MTO1: variants seen among roughly 807,000 people sequenced by gnomAD.
The protein encoded by MTO1 is mitochondrial tRNA translation optimization 1.
In MTO1, 46 loss-of-function variants were observed where a neutral mutation model predicts 71.6. The observed-to-expected ratio is 0.64, with a 90% CI of 0.51 to 0.82. The LOEUF (loss-of-function observed/expected upper bound fraction) is 0.82. Among genes scored for constraint, MTO1 ranks in the 40% least tolerant of loss-of-function variants. MTO1 has a pLI of 0.00. For missense variants in MTO1, 773 were observed against 867.5 expected (o/e 0.89, Z 1.37); for synonymous variants, 297 against 312.1 (o/e 0.95, Z 0.51).
intron 11 of MTO1, among the ~76,000 whole-genome samples, chr6:73,500,073 C>G (rs1772111578): frequency 6.6e-6 from 1 of 152,136 alleles, no homozygotes; most frequent in Admixed American, 6.6e-5. Flanking sequence ...AATCACAGCT[C>G]ACTGCATTCT....
rs1772188528 is a variant in MTO1, at chr6:73,502,566, G to T, written c.*1831G>T. 6.6e-6 allele frequency: 1 copy of T among 152,024 alleles called. No homozygotes were observed. The highest frequency in any genetic ancestry group is 2.4e-5 in the African/African-American group (1 of 41,368). The allele number at this position is 152,024 out of a possible 1,614,324, so 9.4% of individuals were successfully genotyped here. On this transcript the variant is annotated 3_prime_UTR_variant, in exon 12 of 12. Transcript: ENST00000498286. ...TACAAGAGTAAAAAAAGTGAATGGA[G>T]TGCCTTTTGAATAGAATATAACAAA...
rs945309662 is a variant in MTO1 at position 73,502,981 on chromosome 6, T to C, written c.*2246T>C. ...TGGGGCTAGTGACACTATACACATA[T>C]AAAGAAACTTTAAAGTTTCTTAGTA... On this transcript the variant is annotated 3_prime_UTR_variant, in exon 12 of 12. Transcript: ENST00000498286. 2.6e-5 allele frequency: 4 copies of C among 152,212 alleles called. No individual in the cohort carries two copies. Among genetic ancestry groups the C allele is most frequent in the African/African-American group, 9.6e-5 (4 of 41,466 alleles). The allele number at this position is 152,212 out of a possible 1,614,324, so 9.4% of individuals were successfully genotyped here.
rs1224724134 is a variant in MTO1, at chr6:73,466,260, T to C, written c.269T>C (p.Met90Thr). The change falls in exon 2 of 12, where the codon ATG (methionine) becomes ACG (threonine). Residue 90 changes from methionine to threonine, a missense_variant. By Grantham distance (81) the Met-to-Thr change is moderately conservative. Coordinates refer to ENST00000498286, the MANE Select transcript of MTO1 (RefSeq NM_012123.4). Reference sequence around the variant, plus strand: ...GGTGGCATCGGAAAGGGACATTTAATGAGGGAAGTAGATGCCTTGGATGGC... The same window carrying C: ...GGTGGCATCGGAAAGGGACATTTAACGAGGGAAGTAGATGCCTTGGATGGC... ...SFGGIGKGHL[M>T]REVDALDGLC... is the part of the protein sequence containing the mutation. The C allele has an allele frequency of 6.2e-7, 1 of 1,614,110 alleles. No homozygotes were observed. Among genetic ancestry groups the C allele is most frequent in the Non-Finnish European group, 8.5e-7 (1 of 1,179,952 alleles).
intron 9 of MTO1, among the ~76,000 whole-genome samples, chr6:73,487,281 C>T (rs892206221): frequency 2.0e-5 from 3 of 151,510 alleles, no homozygotes; most frequent in Non-Finnish European, 4.4e-5. Context: ...CAACCTTCGC[C>T]CCCTGGTTCC....
chr6:73,479,350 C>T (rs1239305849), intron 4 of MTO1, among the ~76,000 whole-genome samples: 1 of 151,902 alleles, frequency 6.6e-6, no homozygotes, highest in African/African-American at 2.4e-5. Flanking sequence ...CAAAAATTAG[C>T]CGAACGTAGT....
intron 3 of MTO1, chr6:73,471,526 T>A (rs1367703549): frequency 1.6e-5 from 7 of 438,542 alleles, no homozygotes; most frequent in Admixed American, 7.6e-5. Context: ...GTGATCTTCC[T>A]GCCTCAGCCT....
intron 9 of MTO1, among the ~76,000 whole-genome samples, chr6:73,488,195 A>G (rs1409561813): frequency 6.6e-6 from 1 of 151,954 alleles, no homozygotes; most frequent in African/African-American, 2.4e-5. Context: ...TTTTCCAGAG[A>G]CAGGGTCTCC....
chr6:73,465,221 T>C (rs1313642284), intron 1 of MTO1, among the ~76,000 whole-genome samples: 2 of 151,850 alleles, frequency 1.3e-5, no homozygotes, highest in African/African-American at 4.8e-5. Flanking sequence ...TGGAGTGCGA[T>C]GGTGCCATCT....
intron 10 of MTO1, among the ~76,000 whole-genome samples, chr6:73,493,658 T>C (rs1457356644): frequency 6.6e-6 from 1 of 151,510 alleles, no homozygotes; most frequent in Non-Finnish European, 1.5e-5. Context: ...CCCAAAGTGC[T>C]GGGATTACAG....
chr6:73,486,670 G>A (rs1257739949), intron 9 of MTO1: 12 of 398,122 alleles, frequency 3.0e-5, no homozygotes, highest in African/African-American at 2.1e-4. Flanking sequence ...CCTGGGAAGC[G>A]GAGGTTGCAG....
At chr6:73,492,937 GTCC>G (rs1771857451) in intron 10 of MTO1, among the ~76,000 whole-genome samples, 1 of 149,102 alleles carries the variant, frequency 6.7e-6, no homozygotes, top group Middle Eastern at 3.6e-3. Context: ...GTACTGCAGA[GTCC>G]TCCTATAAAT....
rs193163525 is a variant in MTO1, at chr6:73,470,530, A to G, written c.536-2835A>G. Among the ~76,000 whole-genome samples, 14 of 152,262 alleles carry G rather than the reference A, an allele frequency of 9.2e-5. No individual in the cohort carries two copies. The East Asian group carries it at 9.6e-4, about 10-fold the overall frequency. Reference sequence around the variant, plus strand: ...CCAGGAGTGTCATCTTTTAAAATACATATCTTAATTCCCATTTTCATTTTT... The same window carrying G: ...CCAGGAGTGTCATCTTTTAAAATACGTATCTTAATTCCCATTTTCATTTTT... On this transcript the variant is annotated intron_variant, in intron 3 of 11. Transcript: ENST00000498286.
chr6:73,486,452 A>G, intron 9 of MTO1: 1 of 293,082 alleles, frequency 3.4e-6, no homozygotes, highest in Non-Finnish European at 6.9e-6. Flanking sequence ...ATCATACAGT[A>G]TGTGGCCAGG....
chr6:73,462,718 A>T (rs943921492), intron 1 of MTO1, among the ~76,000 whole-genome samples: 2 of 151,914 alleles, frequency 1.3e-5, no homozygotes, highest in Non-Finnish European at 1.5e-5. Context: ...AAAGAGCAAA[A>T]CTCCGTCTCA....
At position 73,480,061 on chromosome 6, in the gene MTO1, C is replaced by T; in HGVS notation, c.1064C>T (p.Ala355Val). ...YPQGLSMTLP[A>V]ELQEKMITCI... ...CAGGGGTTATCTATGACGCTACCAG[C>T]TGAGTTACAAGAGAAAATGATCACA... is the stretch of plus-strand genomic sequence containing the variant. The change falls in exon 6 of 12, where the codon GCT (alanine) becomes GTT (valine). Residue 355 changes from alanine (A) to valine (V), a missense_variant. By Grantham distance (64) the Ala-to-Val change is moderately conservative (BLOSUM62 0). Transcript: ENST00000498286. 6.2e-7 allele frequency: 1 copy of T among 1,614,146 alleles called. No homozygotes were observed. Among genetic ancestry groups the T allele is most frequent in the Non-Finnish European group, 8.5e-7 (1 of 1,180,032 alleles).
chr6:73,508,847 G>A lies in MTO1; in HGVS notation c.*8112G>A, dbSNP rs1170144446. Reference sequence around the variant, plus strand: ...TCCAAAGAGTCAATCAAGAAGGTATGATAATGGCTAAAGATGGGGACTGTA... The same window carrying A: ...TCCAAAGAGTCAATCAAGAAGGTATAATAATGGCTAAAGATGGGGACTGTA... On this transcript the variant is annotated 3_prime_UTR_variant, in exon 12 of 12. Coordinates refer to ENST00000498286, the MANE Select transcript of MTO1 (RefSeq NM_012123.4). 1 of 152,228 alleles carries A rather than the reference G, an allele frequency of 6.6e-6. No homozygotes were observed. Among genetic ancestry groups the A allele is most frequent in the Admixed American group, 6.5e-5 (1 of 15,282 alleles). 9.4% of individuals were successfully genotyped at this position (152,228 alleles called of 1,614,324 possible).
intron 9 of MTO1, among the ~76,000 whole-genome samples, 169 bp downstream of exon 9, chr6:73,482,789 CTTT>C (rs35121302): frequency 3.8e-3 from 354 of 92,126 alleles, no homozygotes; most frequent in African/African-American, 0.014. Flanking sequence ...TTTTTTCTTT[CTTT>C]TTTTTTTTTT....
chr6:73,505,899 G>GTCAC lies in MTO1; in HGVS notation c.*5164_*5165insTCAC, dbSNP rs1433925803. 1.3e-5 allele frequency: 2 copies of GTCAC among 152,112 alleles called. No homozygotes were observed. Among genetic ancestry groups the GTCAC allele is most frequent in the African/African-American group, 4.8e-5 (2 of 41,424 alleles). 9.4% of individuals were successfully genotyped at this position (152,112 alleles called of 1,614,324 possible). The stretch of plus-strand genomic sequence containing the variant: ...GAAAAGAGTTCTGGAGATGGTTGAT[G>GTCAC]GTGATGGTTGCACAACAATTTGAAT... On this transcript the variant is annotated 3_prime_UTR_variant, in exon 12 of 12. Coordinates refer to ENST00000498286, the MANE Select transcript of MTO1 (RefSeq NM_012123.4).
chr6:73,473,907 C>G, intron 4 of MTO1, among the ~76,000 whole-genome samples: 1 of 151,708 alleles, frequency 6.6e-6, no homozygotes, highest in Non-Finnish European at 1.5e-5. Flanking sequence ...CCACCTCAAC[C>G]CCCTTGAGTA....
Sources: allele counts gnomAD v4.1 joint callset (sites outside exome capture counted in the v4.1 genomes callset), GRCh38; gene constraint gnomAD v4.1.1; transcripts MANE v1.5; gene names NCBI Gene and HGNC (gene_info 2026-07-23, HGNC 2026-07-21).